PDZD2: variants seen among roughly 807,000 people sequenced by gnomAD.
PDZD2 encodes the protein PDZ domain-containing protein 2.
PDZD2 carries 90 observed loss-of-function variants against 220.7 expected under a neutral mutation model. That is an observed-to-expected ratio of 0.41 (90% CI 0.34 to 0.49). PDZD2 has a LOEUF of 0.49. PDZD2 is among the 20% of genes least tolerant of loss of function. The probability of loss-of-function intolerance (pLI) is 0.28; values close to 1 mark genes in which losing one functional copy is unlikely to be tolerated. For missense variants in PDZD2, 3,174 were observed against 3,608.5 expected, an observed-to-expected ratio of 0.88 and a Z score of 3.08; for synonymous variants, 1,375 against 1,450.5, an observed-to-expected ratio of 0.95 and a Z score of 1.18.
intron 2 of PDZD2, among the ~76,000 whole-genome samples, chr5:31,931,243 G>A (rs1006408413): frequency 4.6e-5 from 7 of 152,060 alleles, no homozygotes; most frequent in African/African-American, 1.7e-4. Context: ...GGCTGGTTTC[G>A]AACGCCTGAC....
At chr5:32,039,109 C>T (rs199905515) in intron 7 of PDZD2, among the ~76,000 whole-genome samples, 1 of 115,966 alleles carries the variant, frequency 8.6e-6, no homozygotes, top group East Asian at 2.4e-4. Flanking sequence ...CCCCTCTCCC[C>T]CTCTCCCTCT....
At chr5:32,077,038 GA>G (rs1240978897) in intron 18 of PDZD2, among the ~76,000 whole-genome samples, 3 of 152,208 alleles carry the variant, frequency 2.0e-5, no homozygotes, top group Admixed American at 2.0e-4. Flanking sequence ...GTGAAGTCTT[GA>G]AATATGAAAT....
chr5:31,901,133 T>TA (rs1742054465), intron 2 of PDZD2, among the ~76,000 whole-genome samples: 1 of 152,098 alleles, frequency 6.6e-6, no homozygotes, highest in Non-Finnish European at 1.5e-5. Context: ...AACAGGTGAC[T>TA]TTGGCCGGGC....
chr5:32,017,980 G>A (rs192273517), intron 6 of PDZD2, among the ~76,000 whole-genome samples: 45 of 152,282 alleles, frequency 3.0e-4, no homozygotes, highest in African/African-American at 1.0e-3. Context: ...TACAATGAGA[G>A]GGAAGACCGC....
chr5:31,677,164 A>C (rs964051323), intron 1 of PDZD2, among the ~76,000 whole-genome samples: 4 of 152,152 alleles, frequency 2.6e-5, no homozygotes, highest in Admixed American at 6.5e-5. Context: ...AGTTGCCAGG[A>C]AGGGTTGCAT....
chr5:31,855,734 C>A (rs542893833), intron 2 of PDZD2, among the ~76,000 whole-genome samples: 19 of 152,224 alleles, frequency 1.2e-4, no homozygotes, highest in Non-Finnish European at 1.2e-4. Flanking sequence ...TACTAAACAG[C>A]CTGCTTGGAC....
chr5:31,987,116 T>C (rs1750784042), intron 3 of PDZD2, among the ~76,000 whole-genome samples: 1 of 152,224 alleles, frequency 6.6e-6, no homozygotes, highest in African/African-American at 2.4e-5. Context: ...CAAAGATCTT[T>C]ACTACTCTGA....
chr5:31,863,710 A>G (rs1197845983), intron 2 of PDZD2, among the ~76,000 whole-genome samples: 1 of 152,186 alleles, frequency 6.6e-6, no homozygotes, highest in Non-Finnish European at 1.5e-5. Context: ...TTCACTTGTC[A>G]GTCCCTCTGT....
intron 3 of PDZD2, among the ~76,000 whole-genome samples, chr5:31,987,352 T>G (rs1750802476): frequency 1.3e-5 from 2 of 152,160 alleles, no homozygotes; most frequent in African/African-American, 4.8e-5. Context: ...TTCCTATGCC[T>G]CCTCTGTAAG....
chr5:32,035,260 A>AT lies in PDZD2; in HGVS notation c.1408-1960dup, dbSNP rs1348051858. 1.3e-3 allele frequency among the ~76,000 whole-genome samples: 197 copies of AT among 146,542 alleles called. 1 individual carries two copies. Among genetic ancestry groups the AT allele is most frequent in the South Asian group, 0.013 (61 of 4,622 alleles). ...TACTTTATACGTTTTTATGTATTGA[A>AT]TTTTTTTTTTTCTTTTTTGAGATGG... On this transcript the variant is annotated intron_variant, in intron 6 of 24. Coordinates refer to ENST00000438447, the MANE Select transcript of PDZD2 (RefSeq NM_178140.4).
intron 2 of PDZD2, among the ~76,000 whole-genome samples, chr5:31,982,804 G>A (rs1022404428): frequency 7.2e-5 from 11 of 152,134 alleles, no homozygotes; most frequent in African/African-American, 2.2e-4. Flanking sequence ...GCATAATTCC[G>A]ATGCAAGAAA....
chr5:31,741,465 T>C (rs1041958857), intron 1 of PDZD2, among the ~76,000 whole-genome samples: 1 of 152,046 alleles, frequency 6.6e-6, no homozygotes. Context: ...GCCTGCAAGA[T>C]CACAGCAGGT....
intron 24 of PDZD2, among the ~76,000 whole-genome samples, chr5:32,105,726 T>C (rs1286497299): frequency 6.6e-6 from 1 of 152,194 alleles, no homozygotes; most frequent in Non-Finnish European, 1.5e-5. Flanking sequence ...CAAGACCTTT[T>C]TGGGAAAAAG....
chr5:31,827,157 G>GA (rs1233863374), intron 2 of PDZD2, among the ~76,000 whole-genome samples: 6 of 152,162 alleles, frequency 3.9e-5, no homozygotes. Flanking sequence ...CCGGGAATCA[G>GA]AAAATCTGGG....
intron 5 of PDZD2, among the ~76,000 whole-genome samples, chr5:32,003,753 C>A (rs1172170656): frequency 2.0e-5 from 3 of 152,020 alleles, no homozygotes; most frequent in Admixed American, 6.6e-5. Flanking sequence ...CTCCTGTCAC[C>A]CAGGCTGGAG....
At chr5:31,692,173 G>A (rs1028677712) in intron 1 of PDZD2, among the ~76,000 whole-genome samples, 36 of 152,258 alleles carry the variant, frequency 2.4e-4, no homozygotes, top group African/African-American at 8.7e-4. Flanking sequence ...AGGCAGCTAA[G>A]GCCCGGCGAG....
At chr5:31,845,486 T>C (rs1739889210) in intron 2 of PDZD2, among the ~76,000 whole-genome samples, 1 of 152,226 alleles carries the variant, frequency 6.6e-6, no homozygotes. Flanking sequence ...GAATGAGTGA[T>C]GTGAGCACTC....
chr5:31,751,749 T>C (rs945137424), intron 1 of PDZD2, among the ~76,000 whole-genome samples: 1 of 152,144 alleles, frequency 6.6e-6, no homozygotes, highest in Non-Finnish European at 1.5e-5. Flanking sequence ...ATCAGCATCC[T>C]GGGAGAGGTG....
chr5:31,672,113 G>C (rs1337096052), intron 1 of PDZD2, among the ~76,000 whole-genome samples: 1 of 152,132 alleles, frequency 6.6e-6, no homozygotes, highest in African/African-American at 2.4e-5. Flanking sequence ...AATGTCTCCA[G>C]ACATTGCCAG....
Sources: allele counts gnomAD v4.1 joint callset (sites outside exome capture counted in the v4.1 genomes callset), GRCh38; gene constraint gnomAD v4.1.1; transcripts MANE v1.5; gene names NCBI Gene and HGNC (gene_info 2026-07-23, HGNC 2026-07-21).